FRS2: variants seen among roughly 807,000 people sequenced by gnomAD.
The protein encoded by FRS2 is fibroblast growth factor receptor substrate 2, also known as FGFR signalling adaptor.
A neutral mutation model predicts 43.9 loss-of-function variants in FRS2; 8 were observed. The ratio of observed to expected loss-of-function variants is 0.18; its 90% confidence interval spans 0.11 to 0.33. The LOEUF is 0.33. Ranked by LOEUF, FRS2 falls within the 10% of genes least tolerant of loss-of-function variation. The pLI, the probability that FRS2 is intolerant of heterozygous loss-of-function variation, is 1.00. For missense variants in FRS2, 534 were observed against 627.6 expected (o/e 0.85, Z 1.59); for synonymous variants, 219 against 220.3 (o/e 0.99, Z 0.05).
At chr12:69,537,957 A>G (rs1003028003) in intron 3 of FRS2, 2 of 152,438 alleles carry the variant, frequency 1.3e-5, no homozygotes, top group African/African-American at 4.8e-5. Flanking sequence ...CAAGCAGGCA[A>G]GTTTACTTGC....
At chr12:69,477,106 A>G (rs966581711) in intron 1 of FRS2, among the ~76,000 whole-genome samples, 1 of 138,992 alleles carries the variant, frequency 7.2e-6, no homozygotes. Context: ...AGTACTCCCA[A>G]TGGCAGAAAT....
At chr12:69,553,908 A>G (rs1161013837) in intron 3 of FRS2, among the ~76,000 whole-genome samples, 9 of 152,226 alleles carry the variant, frequency 5.9e-5, no homozygotes. Flanking sequence ...GTGTGTCTCC[A>G]TGAATTCATA....
At chr12:69,486,916 G>T (rs1456663885) in intron 1 of FRS2, among the ~76,000 whole-genome samples, 1 of 152,210 alleles carries the variant, frequency 6.6e-6, no homozygotes, top group East Asian at 1.9e-4. Flanking sequence ...CCAAATAGAG[G>T]TTGGTTCATG....
rs1881333748 is a variant in FRS2, at chr12:69,578,400, C to T, written c.*3445C>T. Reference sequence around the variant, plus strand: ...CAGAATGTAAAGAAAATGTTTTTGGCTTGAAAAATTAACATATTTTATGAC... The same window carrying T: ...CAGAATGTAAAGAAAATGTTTTTGGTTTGAAAAATTAACATATTTTATGAC... On this transcript the variant is annotated 3_prime_UTR_variant, in exon 9 of 9. Transcript: ENST00000549921. The T allele has an allele frequency of 1.3e-5, 2 of 152,552 alleles. No individual in the cohort carries two copies. Among genetic ancestry groups the T allele is most frequent in the Non-Finnish European group, 2.9e-5 (2 of 68,000 alleles). 9.4% of individuals were successfully genotyped at this position (152,552 alleles called of 1,614,324 possible). A position where few individuals can be genotyped will look rare whatever the true frequency, so the allele number is the denominator to read the frequency against.
At chr12:69,483,428 G>A (rs1020113650) in intron 1 of FRS2, among the ~76,000 whole-genome samples, 1 of 152,040 alleles carries the variant, frequency 6.6e-6, no homozygotes, top group African/African-American at 2.4e-5. Context: ...TGTAATCTTT[G>A]GAGATTGATG....
intron 1 of FRS2, among the ~76,000 whole-genome samples, chr12:69,501,492 C>T (rs1421696875): frequency 6.6e-6 from 1 of 152,218 alleles, no homozygotes; most frequent in East Asian, 1.9e-4. Context: ...CTGTTATCTG[C>T]TCTTGAATGT....
At chr12:69,473,362 A>G (rs190559847) in intron 1 of FRS2, among the ~76,000 whole-genome samples, 52 of 152,378 alleles carry the variant, frequency 3.4e-4, no homozygotes, top group African/African-American at 1.3e-3. Flanking sequence ...TTAATGTTAC[A>G]GAGAATAAGA....
At chr12:69,540,201 C>T (rs1033162474) in intron 3 of FRS2, among the ~76,000 whole-genome samples, 17 of 151,202 alleles carry the variant, frequency 1.1e-4, no homozygotes, top group Admixed American at 7.3e-4. Flanking sequence ...TGCAGTGAGC[C>T]GAGATGGCTC....
intron 1 of FRS2, among the ~76,000 whole-genome samples, chr12:69,480,888 T>G (rs1871294297): frequency 6.6e-6 from 1 of 152,250 alleles, no homozygotes; most frequent in Admixed American, 6.5e-5. Flanking sequence ...GTGCCACGCC[T>G]TCTTGTCTTG....
chr12:69,475,701 A>G (rs1042058794), intron 1 of FRS2, among the ~76,000 whole-genome samples: 1 of 151,958 alleles, frequency 6.6e-6, no homozygotes, highest in African/African-American at 2.4e-5. Context: ...TTTCCTCATT[A>G]TTGAATAGGT....
rs1019624214 is a variant in FRS2, at chr12:69,578,759, C to T, written c.*3804C>T. 1 of 152,488 alleles carries T rather than the reference C, an allele frequency of 6.6e-6. No homozygotes were observed. The highest frequency in any genetic ancestry group is 2.1e-4 in the South Asian group (1 of 4,828). 9.4% of individuals were successfully genotyped at this position (152,488 alleles called of 1,614,324 possible). The stretch of plus-strand genomic sequence containing the variant: ...TTGCATTATAAATGTTTTTTTCCTA[C>T]GTAAAGGCATAAATATAGCAACTTT... On this transcript the variant is annotated 3_prime_UTR_variant, in exon 9 of 9. Coordinates refer to ENST00000549921, the MANE Select transcript of FRS2 (RefSeq NM_001278356.2).
In FRS2 at chr12:69,518,748, C is replaced by T. The variant is rs148600334; in HGVS notation, c.-260-12117C>T. ...AAAAGTTGTAGGCCAGGCACAGTGGCTCATGCCTGTAATCCCAGCACTTTG... is the reference window on the plus strand; with the variant it reads ...AAAAGTTGTAGGCCAGGCACAGTGGTTCATGCCTGTAATCCCAGCACTTTG... On this transcript the variant is annotated intron_variant, in intron 1 of 8. Transcript: ENST00000549921. 9.0e-4 allele frequency among the ~76,000 whole-genome samples: 137 copies of T among 151,904 alleles called. 2 individuals are homozygous for T. The East Asian group carries it at 0.022, about 25-fold the overall frequency.
At chr12:69,487,698 G>A (rs905514441) in intron 1 of FRS2, among the ~76,000 whole-genome samples, 1 of 152,182 alleles carries the variant, frequency 6.6e-6, no homozygotes, top group African/African-American at 2.4e-5. Context: ...TAACACTATA[G>A]GTGCCATAGG....
rs760336153 is a variant in FRS2, at chr12:69,574,681, C to A, written c.1253C>A (p.Thr418Lys). ...EYSRRRDCTPTVFNFDIRRPS... is the reference protein window; with the variant it reads ...EYSRRRDCTPKVFNFDIRRPS... ...TCAAGGCGTCGGGACTGTACACCAA[C>A]AGTCTTTAACTTTGATATCAGACGC... Residue 418 changes from threonine (T) to lysine (K), a missense_variant, in exon 9 of 9, where the codon ACA (threonine) becomes AAA (lysine). Around this residue, in one of 3 missense-constraint regions of FRS2, gnomAD observed 446 missense variants for 494.2 expected, o/e 0.90. Coordinates refer to ENST00000549921, the MANE Select transcript of FRS2 (RefSeq NM_001278356.2). 1.2e-5 allele frequency: 19 copies of A among 1,614,080 alleles called. No individual in the cohort carries two copies. Among genetic ancestry groups the A allele is most frequent in the Admixed American group, 1.7e-5 (1 of 60,014 alleles).
At chr12:69,491,376 C>T (rs970530942) in intron 1 of FRS2, among the ~76,000 whole-genome samples, 6 of 152,032 alleles carry the variant, frequency 3.9e-5, no homozygotes, top group Admixed American at 1.3e-4. Context: ...GATTAATAGT[C>T]GTGAACTACC....
intron 1 of FRS2, among the ~76,000 whole-genome samples, chr12:69,512,845 G>T (rs1293929712): frequency 6.6e-6 from 1 of 152,098 alleles, no homozygotes; most frequent in East Asian, 1.9e-4. Context: ...ATGTTAAAAA[G>T]AATACAAACA....
chr12:69,484,941 T>C (rs1275634929), intron 1 of FRS2, among the ~76,000 whole-genome samples: 1 of 152,080 alleles, frequency 6.6e-6, no homozygotes, highest in African/African-American at 2.4e-5. Context: ...ATCATTATGG[T>C]AACAACAGAA....
chr12:69,494,954 A>G (rs888295039), intron 1 of FRS2, among the ~76,000 whole-genome samples: 1 of 152,070 alleles, frequency 6.6e-6, no homozygotes, highest in African/African-American at 2.4e-5. Context: ...TTAAATTTTT[A>G]GTAGAGACAG....
chr12:69,479,390 C>CTTTTTTTTTTTTTTTTT (rs57688271), intron 1 of FRS2, among the ~76,000 whole-genome samples: 4 of 119,698 alleles, frequency 3.3e-5, no homozygotes, highest in Non-Finnish European at 1.7e-5. Flanking sequence ...TCTGTTGTTT[C>CTTTTTTTTTTTTTTTTT]TTTTTTTTTT....
Sources: allele counts gnomAD v4.1 joint callset (sites outside exome capture counted in the v4.1 genomes callset), GRCh38; gene constraint gnomAD v4.1.1; regional missense constraint gnomAD v4.1.1; transcripts MANE v1.5; gene names NCBI Gene and HGNC (gene_info 2026-07-23, HGNC 2026-07-21).